Variants in ZNF345 observed in about 807,000 individuals in gnomAD.
ZNF345 encodes zinc finger protein HZF10.
For synonymous variants in ZNF345, 166 were observed against 187.9 expected (o/e 0.88, Z 0.95); for missense variants, 527 against 589.9 (o/e 0.89, Z 1.10).
At chr19:36,858,843 G>A (rs894805856) in intron 2 of ZNF345, among the ~76,000 whole-genome samples, 22 of 152,264 alleles carry the variant, frequency 1.4e-4, no homozygotes, top group Admixed American at 8.5e-4. Flanking sequence ...GAATCACTGA[G>A]TTAGACAATC....
chr19:36,867,535 ATTC>A (rs1399413307), intron 2 of ZNF345, among the ~76,000 whole-genome samples: 2 of 152,198 alleles, frequency 1.3e-5, no homozygotes, highest in Non-Finnish European at 2.9e-5. Context: ...AAATTGATGT[ATTC>A]TTTTCTTTCA....
At chr19:36,891,648 T>A (rs764913013) in intron 3 of ZNF345, 3 of 1,613,472 alleles carry the variant, frequency 1.9e-6, no homozygotes, top group African/African-American at 1.3e-5. Context: ...ATTCATTACA[T>A]TCATATGGTT....
At chr19:36,875,651 T>G (rs1452340906) in intron 2 of ZNF345, among the ~76,000 whole-genome samples, 1 of 152,194 alleles carries the variant, frequency 6.6e-6, no homozygotes, top group East Asian at 1.9e-4. Context: ...GCTGGTTTAG[T>G]GTCCAAGCAA....
intron 3 of ZNF345, chr19:36,891,409 A>T: frequency 7.4e-7 from 1 of 1,345,596 alleles, no homozygotes; most frequent in African/African-American, 1.5e-5. Context: ...AACCTTTGAT[A>T]ATATGTATCC....
In ZNF345 at chr19:36,874,908, G is replaced by A. The variant is rs566757710; in HGVS notation, c.-46-1877G>A. ...TCCTTTTAGTGAGGTTTTGGAAAGC[G>A]TACGGGGATAAATGCACGTGATCCA... On this transcript the variant is annotated intron_variant, in intron 2 of 2. Coordinates refer to ENST00000420450, the MANE Select transcript of ZNF345 (RefSeq NM_001242472.2). 4.3e-3 allele frequency among the ~76,000 whole-genome samples: 661 copies of A among 152,252 alleles called. 6 individuals are homozygous for A. Among genetic ancestry groups the A allele is most frequent in the Non-Finnish European group, 7.1e-3 (480 of 68,022 alleles).
In ZNF345 at chr19:36,877,370, G is replaced by T; in HGVS notation, c.540G>T (p.Gly180=). 6.2e-7 allele frequency: 1 copy of T among 1,614,142 alleles called. No homozygotes were observed. Among genetic ancestry groups the T allele is most frequent in the East Asian group, 2.2e-5 (1 of 44,872 alleles). ...GEKPYECKEC[G]KSFSFESALI... ...AGCCTTATGAGTGTAAGGAATGTGGGAAGTCCTTTAGTTTTGAATCAGCCC... is the reference window on the plus strand; with the variant it reads ...AGCCTTATGAGTGTAAGGAATGTGGTAAGTCCTTTAGTTTTGAATCAGCCC... Residue 180 remains glycine (G), a synonymous_variant, in exon 3 of 3, where the codon GGG becomes GGT. Transcript: ENST00000420450.
intron 3 of ZNF345, among the ~76,000 whole-genome samples, chr19:36,887,967 A>G (rs78323407): frequency 0.014 from 2,066 of 152,280 alleles, 55 homozygotes; most frequent in African/African-American, 0.047. Flanking sequence ...TACATGTGAA[A>G]AAGATTTCTG....
At position 36,877,590 on chromosome 19, in the gene ZNF345, G is replaced by T. The variant is rs763960472; in HGVS notation, c.760G>T (p.Gly254Cys). 3 of 1,614,058 alleles carry T rather than the reference G, an allele frequency of 1.9e-6. No individual in the cohort carries two copies. The highest frequency in any genetic ancestry group is 2.5e-6 in the Non-Finnish European group (3 of 1,180,018). Residue 254 changes from glycine to cysteine, a missense_variant, in exon 3 of 3, where the codon GGT becomes TGT. Gly to Cys is a radical substitution (Grantham distance 159). Coordinates refer to ENST00000420450, the MANE Select transcript of ZNF345 (RefSeq NM_001242472.2). ...TACTCGGCATCAGAGAATTCATACC[G>T]GTGAGAAACCATATATATGTAATGA... ...ALTRHQRIHT[G>C]EKPYICNECG...
chr19:36,859,866 C>T (rs1444292815), intron 2 of ZNF345, among the ~76,000 whole-genome samples: 2 of 147,354 alleles, frequency 1.4e-5, no homozygotes. Context: ...CTCTCTCTCC[C>T]TCTCTCTCTC....
chr19:36,888,098 G>T (rs947211915), intron 3 of ZNF345: 1 of 151,968 alleles, frequency 6.6e-6, no homozygotes, highest in East Asian at 1.9e-4. Flanking sequence ...AAAGAAATTT[G>T]TAATCAGTAA....
At chr19:36,882,148 TTTTA>T (rs1387104811), downstream of ZNF345, among the ~76,000 whole-genome samples, 2 of 152,086 alleles carry the variant, frequency 1.3e-5, no homozygotes, top group Non-Finnish European at 2.9e-5. Flanking sequence ...ACTATTTTCT[TTTTA>T]TTTGTGTGTA....
rs746850510 is a variant in ZNF345 at position 36,877,914 on chromosome 19, A to C, written c.1084A>C (p.Arg362=). 20 of 1,614,004 alleles carry C rather than the reference A, an allele frequency of 1.2e-5. No individual in the cohort carries two copies. Among genetic ancestry groups the C allele is most frequent in the Non-Finnish European group, 1.7e-5 (20 of 1,180,012 alleles). The change falls in exon 3 of 3, where the codon AGA becomes CGA. Residue 362 remains arginine, a synonymous_variant. Transcript: ENST00000420450. ...TGGTTCAGACCTTACTCAACATCACAGAATTCATACTGGTGAGAAACCCTA... is the reference window on the plus strand; with the variant it reads ...TGGTTCAGACCTTACTCAACATCACCGAATTCATACTGGTGAGAAACCCTA... The part of the protein sequence containing the change: ...SSGSDLTQHH[R]IHTGEKPYEC...
At chr19:36,852,573 C>G (rs1435681871) in intron 2 of ZNF345, among the ~76,000 whole-genome samples, 2 of 150,350 alleles carry the variant, frequency 1.3e-5, no homozygotes, top group Non-Finnish European at 3.0e-5. Context: ...TGCCACTGCC[C>G]TCCAGCCTGG....
chr19:36,884,399 A>G (rs936524663), downstream of ZNF345, among the ~76,000 whole-genome samples: 20 of 152,148 alleles, frequency 1.3e-4, no homozygotes, highest in African/African-American at 4.8e-4. Flanking sequence ...ACAAATTACA[A>G]CTAGCCAGAG....
rs187996984 is a variant in ZNF345 at position 36,865,687 on chromosome 19, A to T, written c.-46-11098A>T. On this transcript the variant is annotated intron_variant, in intron 2 of 2. Transcript: ENST00000420450. ...TTATATCTTTTGAATTTTTCCATATAGGCAATCATAAGATCTGCAAACATC... is the reference window on the plus strand; with the variant it reads ...TTATATCTTTTGAATTTTTCCATATTGGCAATCATAAGATCTGCAAACATC... Among the ~76,000 whole-genome samples the T allele has an allele frequency of 2.0e-5, 3 of 152,314 alleles. No individual in the cohort carries two copies. In the East Asian group the frequency reaches 5.8e-4, roughly 29 times the overall value.
intron 3 of ZNF345, chr19:36,891,592 C>T (rs369348025): frequency 6.2e-7 from 1 of 1,613,720 alleles, no homozygotes; most frequent in Non-Finnish European, 8.5e-7. Context: ...AGTGTGAATT[C>T]TCTGATGTCG....
chr19:36,892,676 T>C (rs2073069463), intron 3 of ZNF345: 1 of 642,696 alleles, frequency 1.6e-6, no homozygotes, highest in Non-Finnish European at 2.6e-6. Context: ...ATTCAGAAAG[T>C]AGATGACCTC....
At chr19:36,876,664 G>A in intron 2 of ZNF345, 121 bp from the exon 3 acceptor site, 1 of 650,600 alleles carries the variant, frequency 1.5e-6, no homozygotes, top group South Asian at 2.2e-5. Flanking sequence ...TGTGAGAACT[G>A]TATAAACCAC....
chr19:36,856,845 G>A (rs1209410886), intron 2 of ZNF345, among the ~76,000 whole-genome samples: 7 of 131,036 alleles, frequency 5.3e-5, no homozygotes, highest in Non-Finnish European at 1.2e-4. Context: ...ACGAGACTCC[G>A]TCTCAAAAAA....
Sources: gnomAD v4.1 joint callset for allele counts (sites outside exome capture counted in the v4.1 genomes callset) on GRCh38, gnomAD v4.1.1 for gene constraint, MANE v1.5 for transcripts, NCBI Gene and HGNC (gene_info 2026-07-23, HGNC 2026-07-21) for gene names.